GPC5: variants seen among roughly 807,000 people sequenced by gnomAD.
GPC5 encodes the protein glypican-5.
GPC5 carries 47 observed loss-of-function variants against 53.9 expected under a neutral mutation model. That is an observed-to-expected ratio of 0.87 (90% CI 0.69 to 1.11). The LOEUF is 1.11. Among genes scored for constraint, GPC5 ranks in the 50% most tolerant of loss-of-function variants. The pLI is 0.00. For missense variants in GPC5, 748 were observed against 713.1 expected, an observed-to-expected ratio of 1.05 and a Z score of -0.56; for synonymous variants, 286 against 263.3, an observed-to-expected ratio of 1.09 and a Z score of -0.84.
At chr13:91,523,223 C>G (rs913625710) in intron 2 of GPC5, among the ~76,000 whole-genome samples, 1 of 152,072 alleles carries the variant, frequency 6.6e-6, no homozygotes, top group Non-Finnish European at 1.5e-5. Flanking sequence ...CCATATGATC[C>G]AGCAATCCAG....
At chr13:91,563,421 A>G (rs1055446779) in intron 2 of GPC5, among the ~76,000 whole-genome samples, 1 of 152,158 alleles carries the variant, frequency 6.6e-6, no homozygotes, top group Non-Finnish European at 1.5e-5. Context: ...GAAAATGAAA[A>G]CGGTTTTAGA....
At chr13:91,730,155 T>C (rs2140016368) in intron 4 of GPC5, among the ~76,000 whole-genome samples, 1 of 152,330 alleles carries the variant, frequency 6.6e-6, no homozygotes, top group African/African-American at 2.4e-5. Flanking sequence ...CACTTATGCA[T>C]TTCAATTTTA....
At position 92,385,235 on chromosome 13, in the gene GPC5, G is replaced by T. The variant is rs971639893; in HGVS notation, c.1561+240246G>T. On this transcript the variant is annotated intron_variant, in intron 7 of 7. Coordinates refer to ENST00000377067, the MANE Select transcript of GPC5 (RefSeq NM_004466.6). ...TTATATTTCAACTATTATGACAATA[G>T]TAGTAAGTTTTGAATTTGGCTCTCA... 4.7e-5 allele frequency among the ~76,000 whole-genome samples: 7 copies of T among 150,296 alleles called. No homozygotes were observed. The Admixed American group carries it at 4.7e-4, about 10-fold the overall frequency.
chr13:92,074,929 A>C (rs544526492), intron 6 of GPC5, among the ~76,000 whole-genome samples: 1 of 152,276 alleles, frequency 6.6e-6, no homozygotes, highest in South Asian at 2.1e-4. Flanking sequence ...TAGTTTCTGC[A>C]TCATATAGGA....
chr13:92,646,645 C>T (rs1162899929), intron 7 of GPC5, among the ~76,000 whole-genome samples: 1 of 151,958 alleles, frequency 6.6e-6, no homozygotes, highest in Non-Finnish European at 1.5e-5. Context: ...ATTCCATACA[C>T]ATAGTATATC....
intron 2 of GPC5, among the ~76,000 whole-genome samples, chr13:91,636,848 C>T (rs185405046): frequency 6.6e-6 from 1 of 152,206 alleles, no homozygotes; most frequent in Admixed American, 6.5e-5. Flanking sequence ...GACCTGACAA[C>T]TCTGTAGGCT....
At chr13:91,934,353 C>CT (rs900473912) in intron 6 of GPC5, among the ~76,000 whole-genome samples, 2 of 151,748 alleles carry the variant, frequency 1.3e-5, no homozygotes, top group African/African-American at 4.8e-5. Context: ...TTCACAAACA[C>CT]TTTTTTGGGG....
intron 2 of GPC5, among the ~76,000 whole-genome samples, chr13:91,466,502 G>T (rs933104385): frequency 6.6e-6 from 1 of 152,112 alleles, no homozygotes; most frequent in African/African-American, 2.4e-5. Flanking sequence ...TAAAACTGAG[G>T]TTTAATTGGT....
chr13:92,630,045 G>A (rs1207725238), intron 7 of GPC5, among the ~76,000 whole-genome samples: 1 of 152,144 alleles, frequency 6.6e-6, no homozygotes, highest in East Asian at 1.9e-4. Context: ...TTGAAGAAAG[G>A]AAGACCAAAA....
intron 2 of GPC5, among the ~76,000 whole-genome samples, chr13:91,598,517 T>C (rs1451079048): frequency 1.3e-5 from 2 of 152,086 alleles, no homozygotes; most frequent in African/African-American, 4.8e-5. Context: ...TTTTCAACAT[T>C]CTTTCTTTGC....
At chr13:92,853,672 T>C (rs570746072) in intron 7 of GPC5, among the ~76,000 whole-genome samples, 1 of 152,144 alleles carries the variant, frequency 6.6e-6, no homozygotes, top group East Asian at 1.9e-4. Context: ...TCCTAGAAAG[T>C]AGAGTAAAAT....
chr13:92,558,918 C>T (rs771399120), intron 7 of GPC5, among the ~76,000 whole-genome samples: 4 of 151,962 alleles, frequency 2.6e-5, no homozygotes, highest in Non-Finnish European at 5.9e-5. Flanking sequence ...GCGGAGTTGC[C>T]TTCTGACACA....
intron 2 of GPC5, among the ~76,000 whole-genome samples, chr13:91,552,463 C>G (rs2030698260): frequency 6.6e-6 from 1 of 151,908 alleles, no homozygotes; most frequent in Non-Finnish European, 1.5e-5. Context: ...AATCAGGGGT[C>G]TCACAGCCTT....
At chr13:92,486,648 G>A (rs1343115497) in intron 7 of GPC5, among the ~76,000 whole-genome samples, 1 of 152,118 alleles carries the variant, frequency 6.6e-6, no homozygotes, top group African/African-American at 2.4e-5. Context: ...TCTATGAAAG[G>A]AAATCATAAG....
At chr13:91,633,602 A>G (rs1366217974) in intron 2 of GPC5, among the ~76,000 whole-genome samples, 1 of 152,106 alleles carries the variant, frequency 6.6e-6, no homozygotes. Flanking sequence ...TTCTGAAAAA[A>G]TCCAGTTTAA....
chr13:91,607,377 G>T (rs2033405348), intron 2 of GPC5, among the ~76,000 whole-genome samples: 1 of 152,124 alleles, frequency 6.6e-6, no homozygotes, highest in Non-Finnish European at 1.5e-5. Context: ...CAAACTGAAG[G>T]ATTTACCCTT....
At chr13:92,094,520 C>CAAA (rs71200562) in intron 6 of GPC5, among the ~76,000 whole-genome samples, 87 of 68,064 alleles carry the variant, frequency 1.3e-3, no homozygotes, top group East Asian at 2.3e-3. Flanking sequence ...GACTCCGTCT[C>CAAA]AAAAAAAAAA....
At chr13:91,903,556 A>G (rs2039521061) in intron 5 of GPC5, among the ~76,000 whole-genome samples, 1 of 152,118 alleles carries the variant, frequency 6.6e-6, no homozygotes, top group Non-Finnish European at 1.5e-5. Flanking sequence ...TCTGATGTGT[A>G]TGTATCACTA....
At chr13:91,437,380 C>G (rs1257034157) in intron 1 of GPC5, among the ~76,000 whole-genome samples, 6 of 152,128 alleles carry the variant, frequency 3.9e-5, no homozygotes, top group African/African-American at 1.2e-4. Context: ...TAGGGCAGGC[C>G]TGGTGGTGAC....
Sources: gnomAD v4.1 joint callset for allele counts (sites outside exome capture counted in the v4.1 genomes callset) on GRCh38, gnomAD v4.1.1 for gene constraint, MANE v1.5 for transcripts, NCBI Gene and HGNC (gene_info 2026-07-23, HGNC 2026-07-21) for gene names.